Variants in CDV3 observed in about 807,000 individuals in gnomAD.
CDV3 encodes the protein CDV3 homolog, also known as protein CDV3 homolog.
In CDV3, 14 loss-of-function variants were observed where a neutral mutation model predicts 24.5. The ratio of observed to expected loss-of-function variants is 0.57; its 90% CI spans 0.38 to 0.89. The LOEUF (loss-of-function observed/expected upper bound fraction) is 0.89. CDV3 is among the 40% of genes least tolerant of loss of function. The probability of loss-of-function intolerance (pLI) is 0.00; values close to 1 mark genes in which losing one functional copy is unlikely to be tolerated. For synonymous variants in CDV3, 114 were observed against 114.1 expected, an observed-to-expected ratio of 1.00 and a Z score of 0.00; for missense variants, 304 against 310.2, an observed-to-expected ratio of 0.98 and a Z score of 0.15.
At chr3:133,575,144 TAAC>T (rs746628456) in intron 2 of CDV3, 29 bp downstream of exon 2, 3 of 1,229,656 alleles carry the variant, frequency 2.4e-6, no homozygotes, top group Non-Finnish European at 3.6e-6. Flanking sequence ...TGTGTTTAGA[TAAC>T]CTTTGGGATA....
chr3:133,576,841 C>CTTTTTTTTT (rs370619351), intron 2 of CDV3, among the ~76,000 whole-genome samples: 849 of 62,334 alleles, frequency 0.014, 246 homozygotes, highest in African/African-American at 0.041. Context: ...GGTAGACTAG[C>CTTTTTTTTT]TTTTTTTTTT....
rs912673307 is a variant in CDV3, at chr3:133,573,734, C to T, written c.-311C>T. ...CGAGCACTCTCGCCAGAACCTCTGG[C>T]TCGCGCGTGCCTTTTCCCCTCAGGT... is the stretch of plus-strand genomic sequence containing the variant. On this transcript the variant is annotated 5_prime_UTR_variant, in exon 1 of 5. Transcript: ENST00000264993. 6.6e-6 allele frequency: 1 copy of T among 152,134 alleles called. No homozygotes were observed. Among genetic ancestry groups the T allele is most frequent in the African/African-American group, 2.4e-5 (1 of 41,420 alleles). The allele number at this position is 152,134 out of a possible 1,614,324, so 9.4% of individuals were successfully genotyped here.
Position 133,588,200 on chromosome 3 carries a change from C to CA in CDV3, c.*155dup, listed in dbSNP as rs1933806521. 1 of 1,526,062 alleles carries CA rather than the reference C, an allele frequency of 6.6e-7. No individual in the cohort carries two copies. The highest frequency in any genetic ancestry group is 8.8e-7 in the Non-Finnish European group (1 of 1,136,434). 94.5% of individuals were successfully genotyped at this position (1,526,062 alleles called of 1,614,324 possible). A position where few individuals can be genotyped will look rare whatever the true frequency, so the allele number is the denominator to read the frequency against. ...TATTGCACTATGGAAGTTAAAGTGT[C>CA]ACGACTGCTCTATGCATATTGGATT... On this transcript the variant is annotated 3_prime_UTR_variant, in exon 5 of 5. Transcript: ENST00000264993.
Position 133,576,324 on chromosome 3 carries a change from CTTCCTTAATGTGTCTTT to C in CDV3, c.317+1210_317+1226del, listed in dbSNP as rs1193347124. On this transcript the variant is annotated intron_variant, in intron 2 of 4. Coordinates refer to ENST00000264993, the MANE Select transcript of CDV3 (RefSeq NM_017548.5). ...AGTTTGATTCCCAACCACTTGTTGG[CTTCCTTAATGTGTCTTT>C]CTCTTTTCTGTCTCCTGGGGCTTGA... 1.7e-3 allele frequency among the ~76,000 whole-genome samples: 256 copies of C among 152,328 alleles called. 1 individual carries two copies. The highest frequency in any genetic ancestry group is 6.0e-3 in the African/African-American group (251 of 41,578).
intron 3 of CDV3, among the ~76,000 whole-genome samples, chr3:133,584,482 A>C (rs1244148603): frequency 6.6e-6 from 1 of 152,210 alleles, no homozygotes; most frequent in African/African-American, 2.4e-5. Flanking sequence ...GGAAAAGGTA[A>C]GGAAAAGACT....
At position 133,575,050 on chromosome 3, in the gene CDV3, A is replaced by G; in HGVS notation, c.252A>G (p.Glu84=). 4 of 1,599,864 alleles carry G rather than the reference A, an allele frequency of 2.5e-6. No homozygotes were observed. Among genetic ancestry groups the G allele is most frequent in the Non-Finnish European group, 2.6e-6 (3 of 1,166,968 alleles). The change falls in exon 2 of 5, where the codon GAA becomes GAG. Residue 84 remains glutamate, a synonymous_variant. Transcript: ENST00000264993. ...ATKAVTKDED[E]WKELEQKEVD... is the part of the protein sequence containing the mutation. ...CGTTTGTTTTACAGGACGAAGATGA[A>G]TGGAAAGAATTGGAGCAAAAAGAGG...
intron 2 of CDV3, among the ~76,000 whole-genome samples, chr3:133,580,702 C>CAA (rs879621910): frequency 7.0e-6 from 1 of 142,424 alleles, no homozygotes; most frequent in African/African-American, 2.6e-5. Context: ...AACTCCATCT[C>CAA]AAAAAAAAAA....
Position 133,575,047 on chromosome 3 carries a change from TGAATG to T in CDV3, c.253_257del (p.Trp85ArgfsTer8). 4 of 1,598,178 alleles carry T rather than the reference TGAATG, an allele frequency of 2.5e-6. No individual in the cohort carries two copies. Among genetic ancestry groups the T allele is most frequent in the Non-Finnish European group, 3.4e-6 (4 of 1,165,560 alleles). ...TGGCGTTTGTTTTACAGGACGAAGA[TGAATG>T]GAAAGAATTGGAGCAAAAAGAGGTT... On this transcript the variant is annotated frameshift_variant, in exon 2 of 5. Transcript: ENST00000264993. LOFTEE classifies it high-confidence loss of function.
intron 2 of CDV3, among the ~76,000 whole-genome samples, chr3:133,576,709 G>A (rs1232217742): frequency 2.6e-5 from 4 of 152,008 alleles, no homozygotes; most frequent in Admixed American, 2.6e-4. Flanking sequence ...TTTTGATCTT[G>A]ATCTATTTTG....
Position 133,588,712 on chromosome 3 carries a change from G to C in CDV3, c.*666G>C. The C allele has an allele frequency of 4.2e-6, 1 of 238,628 alleles. No homozygotes were observed. The highest frequency in any genetic ancestry group is 5.5e-5 in the Admixed American group (1 of 18,280). The allele number at this position is 238,628 out of a possible 1,614,324, so 14.8% of individuals were successfully genotyped here. A position where few individuals can be genotyped will look rare whatever the true frequency, so the allele number is the denominator to read the frequency against. On this transcript the variant is annotated 3_prime_UTR_variant, in exon 5 of 5. Coordinates refer to ENST00000264993, the MANE Select transcript of CDV3 (RefSeq NM_017548.5). Reference sequence around the variant, plus strand: ...CTGTGATTTGTAATTTAAACTAATTGTATTCTGAGGTAACCACAAAATAAA... The same window carrying C: ...CTGTGATTTGTAATTTAAACTAATTCTATTCTGAGGTAACCACAAAATAAA...
chr3:133,581,626 C>G (rs1350383920), intron 2 of CDV3, among the ~76,000 whole-genome samples: 2 of 152,146 alleles, frequency 1.3e-5, no homozygotes, highest in African/African-American at 2.4e-5. Context: ...TCAAAGTTTC[C>G]TGGCTGGTAA....
chr3:133,577,037 G>A (rs948287307), intron 2 of CDV3, among the ~76,000 whole-genome samples: 7 of 151,654 alleles, frequency 4.6e-5, no homozygotes, highest in Non-Finnish European at 8.8e-5. Flanking sequence ...TAGTAGAGAC[G>A]GAGTTTCATC....
At chr3:133,576,840 G>GATTTTTTTTTTTT (rs1378596698) in intron 2 of CDV3, among the ~76,000 whole-genome samples, 1 of 26,058 alleles carries the variant, frequency 3.8e-5, no homozygotes, top group African/African-American at 1.3e-4. Flanking sequence ...AGGTAGACTA[G>GATTTTTTTTTTTT]CTTTTTTTTT....
intron 1 of CDV3, 96 bp downstream of exon 1, chr3:133,574,380 G>A (rs1381170543): frequency 7.5e-6 from 7 of 935,436 alleles, no homozygotes; most frequent in African/African-American, 3.6e-5. Context: ...GGGAGGGGCC[G>A]CGGAGGCCGG....
Position 133,581,028 on chromosome 3 carries a change from A to T in CDV3, c.318-2974A>T, listed in dbSNP as rs560586221. Among the ~76,000 whole-genome samples, 19 of 152,294 alleles carry T rather than the reference A, an allele frequency of 1.2e-4. 1 individual carries two copies. The highest frequency in any genetic ancestry group is 3.6e-4 in the African/African-American group (15 of 41,558). ...ATGTTAGACACTAGACAGTAAAAAA[A>T]AAACTTCCAGTTGAGATACTGTCAC... On this transcript the variant is annotated intron_variant, in intron 2 of 4. Transcript: ENST00000264993.
chr3:133,587,473 C>T (rs1205270222), intron 4 of CDV3: 4 of 1,137,008 alleles, frequency 3.5e-6, no homozygotes, highest in Middle Eastern at 3.7e-4. Context: ...ATCAGATCCA[C>T]TCCCACAAAA....
chr3:133,574,876 A>C (rs1048938840), intron 1 of CDV3, 163 bp from the exon 2 acceptor site: 5 of 739,150 alleles, frequency 6.8e-6, no homozygotes, highest in Non-Finnish European at 1.1e-5. Flanking sequence ...TTTGTCCTCC[A>C]TTTAGCCTAG....
At chr3:133,576,370 G>T (rs1040289224) in intron 2 of CDV3, among the ~76,000 whole-genome samples, 1 of 151,852 alleles carries the variant, frequency 6.6e-6, no homozygotes, top group Non-Finnish European at 1.5e-5. Context: ...GGCTTGACCT[G>T]TAAATAATGG....
intron 1 of CDV3, 163 bp downstream of exon 1, chr3:133,574,447 C>T: frequency 1.0e-6 from 1 of 986,304 alleles, no homozygotes; most frequent in South Asian, 4.7e-5. Context: ...CTGGGCTCGC[C>T]AGGGCCGGGA....
Sources: allele counts gnomAD v4.1 joint callset (sites outside exome capture counted in the v4.1 genomes callset), GRCh38; gene constraint gnomAD v4.1.1; transcripts MANE v1.5; gene names NCBI Gene and HGNC (gene_info 2026-07-23, HGNC 2026-07-21).